Variants in CFAP44 observed in about 807,000 individuals in gnomAD.
CFAP44 encodes cilia- and flagella-associated protein 44.
In CFAP44, 134 loss-of-function variants were observed where a neutral mutation model predicts 216.2. That is an observed-to-expected ratio of 0.62 (90% confidence interval 0.54 to 0.72). The LOEUF is 0.72. Ranked by LOEUF, CFAP44 falls within the 30% of genes least tolerant of loss-of-function variation. The pLI is 0.00. For missense variants in CFAP44, 2,035 were observed against 2,182.1 expected (o/e 0.93, Z 1.34); for synonymous variants, 700 against 727.6 (o/e 0.96, Z 0.61).
At chr3:113,411,411 C>T (rs1271496894) in intron 6 of CFAP44, among the ~76,000 whole-genome samples, 1 of 152,048 alleles carries the variant, frequency 6.6e-6, no homozygotes, top group Non-Finnish European at 1.5e-5. Context: ...GAATCCTTTC[C>T]CCATTTCTTG....
chr3:113,302,788 A>G (rs993873973), intron 32 of CFAP44, among the ~76,000 whole-genome samples: 20 of 150,870 alleles, frequency 1.3e-4, no homozygotes, highest in African/African-American at 2.9e-4. Context: ...AAAAAAAAAA[A>G]AAAGAAAAAG....
At chr3:113,411,327 G>A (rs1482315143) in intron 6 of CFAP44, among the ~76,000 whole-genome samples, 1 of 152,124 alleles carries the variant, frequency 6.6e-6, no homozygotes, top group Non-Finnish European at 1.5e-5. Context: ...TTTGTATAAG[G>A]TGTAAGGAAG....
intron 2 of CFAP44, among the ~76,000 whole-genome samples, chr3:113,433,175 T>C (rs1935148708): frequency 6.6e-6 from 1 of 152,072 alleles, no homozygotes; most frequent in African/African-American, 2.4e-5. Context: ...ATGCCTGTAA[T>C]CCCAGCACTT....
At chr3:113,392,183 T>C (rs757644735) in intron 15 of CFAP44, among the ~76,000 whole-genome samples, 1 of 152,004 alleles carries the variant, frequency 6.6e-6, no homozygotes, top group Non-Finnish European at 1.5e-5. Flanking sequence ...ATAAAGAAAA[T>C]GTAGTACATA....
At chr3:113,365,988 CTA>C (rs1950583225) in intron 19 of CFAP44, 49 bp downstream of exon 19, 2 of 1,527,266 alleles carry the variant, frequency 1.3e-6, no homozygotes, top group South Asian at 2.6e-5. Flanking sequence ...TTTAATATCA[CTA>C]TTTTTAAATA....
chr3:113,404,984 C>A (rs927071342), intron 8 of CFAP44, among the ~76,000 whole-genome samples: 5 of 152,124 alleles, frequency 3.3e-5, no homozygotes, highest in African/African-American at 4.8e-5. Context: ...GAAGTATTTG[C>A]TGGGAATCAC....
At chr3:113,308,327 AT>A in intron 28 of CFAP44, 59 bp from the exon 29 acceptor site, 1 of 1,295,844 alleles carries the variant, frequency 7.7e-7, no homozygotes. Context: ...TAAATACTAG[AT>A]TTTTAAAGTA....
At chr3:113,364,366 T>C (rs1387742572) in intron 19 of CFAP44, among the ~76,000 whole-genome samples, 1 of 152,164 alleles carries the variant, frequency 6.6e-6, no homozygotes. Flanking sequence ...GATAAAGTTG[T>C]TTTATTAGTC....
intron 28 of CFAP44, among the ~76,000 whole-genome samples, chr3:113,314,035 A>G (rs1254768013): frequency 6.6e-6 from 1 of 152,212 alleles, no homozygotes; most frequent in Non-Finnish European, 1.5e-5. Flanking sequence ...AGCAAAAACA[A>G]AACAAAATAA....
At chr3:113,368,355 C>T (rs1266265232) in intron 18 of CFAP44, among the ~76,000 whole-genome samples, 1 of 152,142 alleles carries the variant, frequency 6.6e-6, no homozygotes, top group East Asian at 1.9e-4. Flanking sequence ...GTCGGGTTAC[C>T]CACAAAGGGA....
Position 113,320,788 on chromosome 3 carries a change from C to G in CFAP44, c.4516+5657G>C, listed in dbSNP as rs150574179. ...ATGTAGGCTGGGAGGCTAGGCCAGTCTAGTTTTTTCACATTTTTCTGCCAG... is the reference window on the plus strand; with the variant it reads ...ATGTAGGCTGGGAGGCTAGGCCAGTGTAGTTTTTTCACATTTTTCTGCCAG... On this transcript the variant is annotated intron_variant, in intron 28 of 34. Transcript: ENST00000393845. Among the ~76,000 whole-genome samples the G allele has an allele frequency of 1.9e-3, 289 of 152,060 alleles. 2 individuals are homozygous for G. The highest frequency in any genetic ancestry group is 5.7e-3 in the African/African-American group (236 of 41,484).
intron 28 of CFAP44, among the ~76,000 whole-genome samples, chr3:113,309,439 C>A (rs1403584795): frequency 6.6e-6 from 1 of 152,152 alleles, no homozygotes; most frequent in Non-Finnish European, 1.5e-5. Context: ...TACAAAACCC[C>A]ATTATAGTAG....
Position 113,401,568 on chromosome 3 carries a change from C to T in CFAP44, c.1326+16G>A, listed in dbSNP as rs780259233. ...CATGTAATGTTAAAGAGCCAAGAGA[C>T]AAGAATGCAACACACCTGAGCCAAC... On this transcript the variant is annotated intron_variant, in intron 10 of 34. Transcript: ENST00000393845. 2.5e-6 allele frequency: 4 copies of T among 1,611,542 alleles called. No homozygotes were observed. Among genetic ancestry groups the T allele is most frequent in the Non-Finnish European group, 3.4e-6 (4 of 1,179,260 alleles).
intron 13 of CFAP44, among the ~76,000 whole-genome samples, chr3:113,398,598 G>C (rs185980281): frequency 2.6e-5 from 4 of 152,260 alleles, no homozygotes; most frequent in African/African-American, 7.2e-5. Context: ...GAGTGAGCTA[G>C]GTCTGCCAAT....
chr3:113,331,860 T>C (rs532314893), intron 25 of CFAP44, among the ~76,000 whole-genome samples: 60 of 152,020 alleles, frequency 3.9e-4, no homozygotes, highest in African/African-American at 1.5e-3. Context: ...ACCATGACAA[T>C]AAAGACCATT....
chr3:113,411,112 G>C lies in CFAP44; in HGVS notation c.674-1790C>G, dbSNP rs563282591. Among the ~76,000 whole-genome samples, 10 of 152,130 alleles carry C rather than the reference G, an allele frequency of 6.6e-5. 1 individual carries two copies. In the East Asian group the frequency reaches 1.9e-3, roughly 29 times the overall value. ...CTGTAAGTTGCCTGTTCACTCTGAT[G>C]GTAGTTTCTTTTGCTGTGCAGAAGC... On this transcript the variant is annotated intron_variant, in intron 6 of 34. Transcript: ENST00000393845.
rs76820582 is a variant in CFAP44 at position 113,383,660 on chromosome 3, G to A, written c.1891-2600C>T. Among the ~76,000 whole-genome samples the A allele has an allele frequency of 3.5e-4, 53 of 152,238 alleles. 1 individual carries two copies. The East Asian group carries it at 5.6e-3, about 16-fold the overall frequency. On this transcript the variant is annotated intron_variant, in intron 15 of 34. Coordinates refer to ENST00000393845, the MANE Select transcript of CFAP44 (RefSeq NM_001164496.2). Reference sequence around the variant, plus strand: ...TAAATGAAATACAGGTCTCTGTGTCGTGAAAGAACTACTTGGAGATAACAG... The same window carrying A: ...TAAATGAAATACAGGTCTCTGTGTCATGAAAGAACTACTTGGAGATAACAG...
intron 4 of CFAP44, among the ~76,000 whole-genome samples, chr3:113,423,701 A>G (rs1934883061): frequency 6.6e-6 from 1 of 152,212 alleles, no homozygotes; most frequent in Admixed American, 6.5e-5. Context: ...TTTAAGTAAT[A>G]CTTTATAAAT....
At chr3:113,400,245 ATAAGT>A (rs943847280) in intron 12 of CFAP44, among the ~76,000 whole-genome samples, 16 of 152,188 alleles carry the variant, frequency 1.1e-4, no homozygotes, top group Non-Finnish European at 2.2e-4. Context: ...TAGATTTGCC[ATAAGT>A]TAAGAAGGAA....
Sources: allele counts gnomAD v4.1 joint callset (sites outside exome capture counted in the v4.1 genomes callset), GRCh38; gene constraint gnomAD v4.1.1; transcripts MANE v1.5; gene names NCBI Gene and HGNC (gene_info 2026-07-23, HGNC 2026-07-21).